Variants in TTLL5 observed in about 807,000 individuals in gnomAD.
The protein encoded by TTLL5 is tubulin tyrosine ligase like 5, also known as tubulin polyglutamylase TTLL5.
A neutral mutation model predicts 168.4 loss-of-function variants in TTLL5; 132 were observed. The observed-to-expected ratio is 0.78, with a 90% CI of 0.68 to 0.91. The LOEUF (loss-of-function observed/expected upper bound fraction) is 0.91, where lower values mean the gene tolerates loss of function less well. TTLL5 is among the 40% of genes least tolerant of loss of function. TTLL5 has a pLI of 0.00. For missense variants in TTLL5, 1,545 were observed against 1,581.5 expected, an observed-to-expected ratio of 0.98 and a Z score of 0.39; for synonymous variants, 546 against 558.6, an observed-to-expected ratio of 0.98 and a Z score of 0.32.
At chr14:75,792,846 C>T (rs1892802458) in intron 26 of TTLL5, 70 bp from the exon 27 acceptor site, 2 of 1,387,918 alleles carry the variant, frequency 1.4e-6, no homozygotes, top group Non-Finnish European at 1.9e-6. Context: ...CCTGAGATTT[C>T]TGTCATTATC....
At chr14:75,782,613 A>G in intron 25 of TTLL5, 40 bp downstream of exon 25, 1 of 1,527,252 alleles carries the variant, frequency 6.5e-7, no homozygotes, top group Non-Finnish European at 9.0e-7. Flanking sequence ...CTGCTCTCTG[A>G]TAATTTCCTA....
chr14:75,842,198 C>G (rs1243332583), intron 28 of TTLL5, among the ~76,000 whole-genome samples: 2 of 152,158 alleles, frequency 1.3e-5, no homozygotes, highest in Admixed American at 1.3e-4. Context: ...AAGCCTATCC[C>G]AGTATATCCT....
chr14:75,746,485 T>C (rs1366506421), intron 17 of TTLL5, among the ~76,000 whole-genome samples: 1 of 152,148 alleles, frequency 6.6e-6, no homozygotes, highest in Non-Finnish European at 1.5e-5. Context: ...TTTGTTCTTC[T>C]ATGCATAATG....
intron 3 of TTLL5, among the ~76,000 whole-genome samples, chr14:75,671,753 T>A (rs1883770383): frequency 6.6e-6 from 1 of 152,264 alleles, no homozygotes. Context: ...GAAACCTTGC[T>A]GCACTCATTT....
chr14:75,685,720 G>A lies in TTLL5; in HGVS notation c.371+2064G>A, dbSNP rs556772995. On this transcript the variant is annotated intron_variant, in intron 5 of 31. Coordinates refer to ENST00000298832, the MANE Select transcript of TTLL5 (RefSeq NM_015072.5). ...ATGGAAGTTACCATCTCTAGAGAAG[G>A]TGTATATTTGAGCACTTTCCTAGTT... is the stretch of plus-strand genomic sequence containing the variant. Among the ~76,000 whole-genome samples, 60 of 152,292 alleles carry A rather than the reference G, an allele frequency of 3.9e-4. 1 individual carries two copies. The highest frequency in any genetic ancestry group is 1.3e-3 in the Admixed American group (20 of 15,306).
chr14:75,775,715 T>C lies in TTLL5; in HGVS notation c.2283+85T>C, dbSNP rs200793403. On this transcript the variant is annotated intron_variant, in intron 22 of 31. Coordinates refer to ENST00000298832, the MANE Select transcript of TTLL5 (RefSeq NM_015072.5). ...AGATAGAAGCCTCTGTCCAACTGGATGGAGACACTCTTCTTCTGTTCTCTG... is the reference window on the plus strand; with the variant it reads ...AGATAGAAGCCTCTGTCCAACTGGACGGAGACACTCTTCTTCTGTTCTCTG... The C allele has an allele frequency of 3.1e-4, 469 of 1,494,348 alleles. 4 individuals are homozygous for C. In the African/African-American group the frequency reaches 6.0e-3, roughly 19 times the overall value. The allele number at this position is 1,494,348 out of a possible 1,614,324, so 92.6% of individuals were successfully genotyped here. A position where few individuals can be genotyped will look rare whatever the true frequency, so the allele number is the denominator to read the frequency against.
intron 27 of TTLL5, among the ~76,000 whole-genome samples, chr14:75,816,811 G>T (rs1033022545): frequency 1.3e-5 from 2 of 152,090 alleles, no homozygotes; most frequent in African/African-American, 4.8e-5. Flanking sequence ...AGAGGAGTCA[G>T]TGTGGGGCAG....
intron 12 of TTLL5, among the ~76,000 whole-genome samples, chr14:75,723,819 GTTTT>G (rs1433061903): frequency 6.6e-6 from 1 of 152,094 alleles, no homozygotes; most frequent in African/African-American, 2.4e-5. Flanking sequence ...TGCATCTGGA[GTTTT>G]TTAAGTTGTT....
intron 26 of TTLL5, among the ~76,000 whole-genome samples, 172 bp downstream of exon 26, chr14:75,783,702 G>A (rs1892196037): frequency 6.6e-6 from 1 of 152,154 alleles, no homozygotes; most frequent in African/African-American, 2.4e-5. Context: ...CCAGTAGCAT[G>A]CCTTCATTGA....
intron 17 of TTLL5, among the ~76,000 whole-genome samples, chr14:75,749,309 G>T (rs1039696936): frequency 1.5e-4 from 23 of 152,012 alleles, no homozygotes; most frequent in Non-Finnish European, 3.2e-4. Flanking sequence ...TAATCTTGAG[G>T]TCTCTTAAGG....
chr14:75,918,206 A>G (rs1225219704), intron 31 of TTLL5, among the ~76,000 whole-genome samples: 3 of 152,198 alleles, frequency 2.0e-5, no homozygotes, highest in Non-Finnish European at 2.9e-5. Flanking sequence ...TCATTGGCCA[A>G]CACTGGCTCC....
chr14:75,914,658 C>G (rs1036298846), intron 31 of TTLL5, among the ~76,000 whole-genome samples: 9 of 136,208 alleles, frequency 6.6e-5, no homozygotes, highest in African/African-American at 2.0e-4. Context: ...GAGTCTTGCT[C>G]TGTCGCCCAG....
intron 30 of TTLL5, among the ~76,000 whole-genome samples, chr14:75,889,255 A>G (rs552161716): frequency 2.6e-5 from 4 of 152,362 alleles, no homozygotes; most frequent in Non-Finnish European, 5.9e-5. Flanking sequence ...AGGAGGAAGT[A>G]TACAAAGATA....
At chr14:75,907,560 A>G (rs542974396) in intron 31 of TTLL5, among the ~76,000 whole-genome samples, 2 of 152,358 alleles carry the variant, frequency 1.3e-5, no homozygotes, top group South Asian at 4.1e-4. Flanking sequence ...AAGAGAGAGG[A>G]AAATTATTTA....
intron 7 of TTLL5, 79 bp from the exon 8 acceptor site, chr14:75,706,939 G>A (rs1886702217): frequency 3.2e-6 from 4 of 1,254,560 alleles, no homozygotes; most frequent in Non-Finnish European, 4.6e-6. Context: ...TTCTTTAAAG[G>A]TTAAGAACTT....
intron 12 of TTLL5, among the ~76,000 whole-genome samples, chr14:75,728,965 G>A (rs1314563514): frequency 3.3e-5 from 5 of 152,164 alleles, no homozygotes; most frequent in Non-Finnish European, 4.4e-5. Flanking sequence ...TGATCATATT[G>A]AGAACAGTCA....
chr14:75,882,582 C>T (rs1474869989), intron 29 of TTLL5, 103 bp from the exon 30 acceptor site: 4 of 1,026,474 alleles, frequency 3.9e-6, no homozygotes, highest in Non-Finnish European at 1.4e-6. Context: ...TAACAGTTGT[C>T]CTTTTCTTTT....
intron 31 of TTLL5, chr14:75,904,088 C>A (rs1169611828): frequency 1.6e-6 from 2 of 1,234,024 alleles, no homozygotes; most frequent in Non-Finnish European, 2.1e-6. Context: ...CCCCAGTTCC[C>A]AGCCACACTG....
At chr14:75,810,534 T>G (rs1226423253) in intron 27 of TTLL5, among the ~76,000 whole-genome samples, 1 of 152,074 alleles carries the variant, frequency 6.6e-6, no homozygotes, top group African/African-American at 2.4e-5. Flanking sequence ...TGCCTAATTT[T>G]TTAAATTATA....
Sources: gnomAD v4.1 joint callset for allele counts (sites outside exome capture counted in the v4.1 genomes callset) on GRCh38, gnomAD v4.1.1 for gene constraint, MANE v1.5 for transcripts, NCBI Gene and HGNC (gene_info 2026-07-23, HGNC 2026-07-21) for gene names.